COBLL1: variants seen among roughly 807,000 people sequenced by gnomAD.
COBLL1 encodes the protein cordon-bleu WH2 repeat protein like 1.
In COBLL1, 50 loss-of-function variants were observed where a neutral mutation model predicts 94.8. That is an observed-to-expected ratio of 0.53 (90% CI 0.42 to 0.67). The LOEUF (loss-of-function observed/expected upper bound fraction) is 0.67. Among genes scored for constraint, COBLL1 ranks in the 30% least tolerant of loss-of-function variants. The pLI is 0.00. For synonymous variants in COBLL1, 448 were observed against 473.8 expected, an observed-to-expected ratio of 0.95 and a Z score of 0.71; for missense variants, 1,362 against 1,348.7, an observed-to-expected ratio of 1.01 and a Z score of -0.15.
At chr2:164,670,762 G>A (rs1691230515) in intron 1 of COBLL1, among the ~76,000 whole-genome samples, 1 of 152,170 alleles carries the variant, frequency 6.6e-6, no homozygotes, top group Non-Finnish European at 1.5e-5. Context: ...CAACAGAGAA[G>A]AGAGGCCAAA....
At chr2:164,730,755 A>T (rs1240561233) in intron 3 of COBLL1, among the ~76,000 whole-genome samples, 2 of 151,948 alleles carry the variant, frequency 1.3e-5, no homozygotes, top group African/African-American at 4.9e-5. Context: ...TTGTAATATA[A>T]CATTGGCAGT....
At chr2:164,783,856 T>C (rs58716267) in intron 2 of COBLL1, among the ~76,000 whole-genome samples, 2,326 of 151,924 alleles carry the variant, frequency 0.015, 36 homozygotes, top group African/African-American at 0.043. Flanking sequence ...GTCTCAGTTA[T>C]TTAAGAGGCT....
chr2:164,735,417 C>G (rs1176445647), intron 3 of COBLL1, among the ~76,000 whole-genome samples: 1 of 152,106 alleles, frequency 6.6e-6, no homozygotes, highest in Non-Finnish European at 1.5e-5. Context: ...GGGTTAAGAT[C>G]TTTTCCAAAA....
intron 2 of COBLL1, among the ~76,000 whole-genome samples, chr2:164,801,763 A>C (rs968373197): frequency 1.3e-5 from 2 of 152,198 alleles, no homozygotes; most frequent in Non-Finnish European, 2.9e-5. Context: ...TGCTACCTCC[A>C]TTTTAAAGTA....
chr2:164,667,711 T>C (rs901248445), intron 1 of COBLL1, among the ~76,000 whole-genome samples: 1 of 152,200 alleles, frequency 6.6e-6, no homozygotes, highest in East Asian at 1.9e-4. Context: ...TCAGCCTTCA[T>C]AGAATTGACG....
chr2:164,685,312 T>C lies in COBLL1; in HGVS notation c.*634A>G, dbSNP rs1021503414. On this transcript the variant is annotated 3_prime_UTR_variant, in exon 14 of 14. Transcript: ENST00000652658. Reference sequence around the variant, plus strand: ...GTTCTAAAGATTAAAAAAACAAGAGTTCCATGTTAATAAAATATTAAAATA... The same window carrying C: ...GTTCTAAAGATTAAAAAAACAAGAGCTCCATGTTAATAAAATATTAAAATA... The C allele has an allele frequency of 1.3e-5, 2 of 151,806 alleles. No homozygotes were observed. The highest frequency in any genetic ancestry group is 4.8e-5 in the African/African-American group (2 of 41,348). The allele number at this position is 151,806 out of a possible 1,614,324, so 9.4% of individuals were successfully genotyped here.
chr2:164,841,312 G>A lies in COBLL1; in HGVS notation c.-50-66C>T. On this transcript the variant is annotated intron_variant, in intron 1 of 13. Coordinates refer to ENST00000652658, the MANE Select transcript of COBLL1 (RefSeq NM_001365672.2). The surrounding 1 kb of genome is among the most constrained non-coding windows in gnomAD (Gnocchi z 5.5). The stretch of plus-strand genomic sequence containing the variant: ...CCTTCCCGAGGCCGGAGCGAAGCTG[G>A]CTGAGCGTCAAGAGCCCGCCCGAGC... The A allele has an allele frequency of 8.2e-7, 1 of 1,212,408 alleles. No individual in the cohort carries two copies. The highest frequency in any genetic ancestry group is 4.1e-5 in the South Asian group (1 of 24,148). The allele number at this position is 1,212,408 out of a possible 1,614,324, so 75.1% of individuals were successfully genotyped here. A position where few individuals can be genotyped will look rare whatever the true frequency, so the allele number is the denominator to read the frequency against.
intron 2 of COBLL1, among the ~76,000 whole-genome samples, chr2:164,818,091 T>C (rs1318662559): frequency 1.3e-5 from 2 of 151,612 alleles, no homozygotes; most frequent in Non-Finnish European, 2.9e-5. Context: ...CATGTATATA[T>C]GTATATACAC....
At chr2:164,780,507 A>G (rs1294137651) in intron 2 of COBLL1, among the ~76,000 whole-genome samples, 1 of 151,994 alleles carries the variant, frequency 6.6e-6, no homozygotes, top group Non-Finnish European at 1.5e-5. Flanking sequence ...TTTTCTTGAG[A>G]GCAATCTTTT....
At chr2:164,678,330 A>G (rs996128744), downstream of COBLL1, among the ~76,000 whole-genome samples, 1 of 152,156 alleles carries the variant, frequency 6.6e-6, no homozygotes, top group Non-Finnish European at 1.5e-5. Flanking sequence ...GATGGAGATA[A>G]TATGTCAGAT....
chr2:164,841,905 C>T (rs1402737803), upstream of COBLL1: 24 of 1,391,654 alleles, frequency 1.7e-5, no homozygotes, highest in Non-Finnish European at 2.4e-5. The surrounding 1 kb of genome is among the most constrained non-coding windows in gnomAD (Gnocchi z 5.5). Flanking sequence ...GGGCGGGGTG[C>T]GGGCGCTGGC....
chr2:164,660,963 A>G (rs1175935893), intron 2 of COBLL1, among the ~76,000 whole-genome samples: 1 of 152,162 alleles, frequency 6.6e-6, no homozygotes, highest in African/African-American at 2.4e-5. Context: ...TTGATTTTAG[A>G]TAGTATTTTT....
intron 2 of COBLL1, among the ~76,000 whole-genome samples, chr2:164,811,694 T>A (rs994872678): frequency 9.2e-5 from 14 of 151,768 alleles, no homozygotes; most frequent in Admixed American, 4.6e-4. Context: ...AGTGAAAGAA[T>A]CGACAAGACA....
At chr2:164,773,021 A>T (rs886777361) in intron 2 of COBLL1, among the ~76,000 whole-genome samples, 1 of 93,154 alleles carries the variant, frequency 1.1e-5, no homozygotes, top group Non-Finnish European at 2.2e-5. Context: ...GTGCTAAAGG[A>T]TTCTTTATTT....
intron 2 of COBLL1, among the ~76,000 whole-genome samples, chr2:164,825,055 A>G (rs1685359135): frequency 6.6e-6 from 1 of 152,180 alleles, no homozygotes; most frequent in African/African-American, 2.4e-5. Flanking sequence ...CTTCTGTACA[A>G]TCTGGATAAC....
intron 7 of COBLL1, among the ~76,000 whole-genome samples, chr2:164,706,558 C>G (rs1684614666): frequency 6.6e-6 from 1 of 152,224 alleles, no homozygotes; most frequent in South Asian, 2.1e-4. Flanking sequence ...ATGTCTAAAA[C>G]TGAGATCATG....
chr2:164,816,252 A>G (rs1684739134), intron 2 of COBLL1, among the ~76,000 whole-genome samples: 1 of 152,134 alleles, frequency 6.6e-6, no homozygotes, highest in Admixed American at 6.6e-5. Context: ...CACACTGAAG[A>G]AACAGCAGGC....
chr2:164,697,810 T>C (rs1197074622), intron 11 of COBLL1: 1 of 152,066 alleles, frequency 6.6e-6, no homozygotes, highest in Admixed American at 6.6e-5. Flanking sequence ...CATCCTCATA[T>C]ACAACTGACA....
chr2:164,736,801 A>C (rs931516209), intron 3 of COBLL1, among the ~76,000 whole-genome samples: 1 of 152,218 alleles, frequency 6.6e-6, no homozygotes, highest in African/African-American at 2.4e-5. Context: ...ACAATATAAT[A>C]CCATATTGTT....
Sources: allele counts gnomAD v4.1 joint callset (sites outside exome capture counted in the v4.1 genomes callset), GRCh38; gene constraint gnomAD v4.1.1; non-coding constraint Gnocchi (gnomAD v3.1); transcripts MANE v1.5; gene names NCBI Gene and HGNC (gene_info 2026-07-23, HGNC 2026-07-21).